Variants in ZCWPW2 observed in about 807,000 individuals in gnomAD.
ZCWPW2 encodes zinc finger CW-type PWWP domain protein 2.
A neutral mutation model predicts 46.6 loss-of-function variants in ZCWPW2; 45 were observed. That is an observed-to-expected ratio of 0.96 (90% CI 0.76 to 1.24). ZCWPW2 has a LOEUF of 1.24. ZCWPW2 is among the 50% of genes most tolerant of loss of function. The pLI, the probability that ZCWPW2 is intolerant of heterozygous loss-of-function variation, is 0.00. For missense variants in ZCWPW2, 429 were observed against 403.9 expected (o/e 1.06, Z -0.53); for synonymous variants, 152 against 137.1 (o/e 1.11, Z -0.76).
intron 4 of ZCWPW2, among the ~76,000 whole-genome samples, chr3:28,464,143 A>AT (rs1698740050): frequency 6.6e-6 from 1 of 151,530 alleles, no homozygotes; most frequent in Non-Finnish European, 1.5e-5. Context: ...ATTATTTTTT[A>AT]TTTTTTTGAA....
intron 5 of ZCWPW2, among the ~76,000 whole-genome samples, chr3:28,480,471 A>T (rs1699389213): frequency 1.3e-5 from 2 of 152,076 alleles, no homozygotes; most frequent in Non-Finnish European, 1.5e-5. Flanking sequence ...GACCTTTGTC[A>T]GATGGTGGAT....
chr3:28,513,184 T>C (rs549211149), intron 6 of ZCWPW2, among the ~76,000 whole-genome samples: 23 of 152,344 alleles, frequency 1.5e-4, no homozygotes, highest in African/African-American at 5.3e-4. Flanking sequence ...TATGGGCTTT[T>C]TCTTCTCCAA....
intron 3 of ZCWPW2, among the ~76,000 whole-genome samples, chr3:28,414,426 T>G (rs2125742618): frequency 6.6e-6 from 1 of 152,156 alleles, no homozygotes; most frequent in East Asian, 1.9e-4. Context: ...GGGTTTGTTG[T>G]GAAGATTATT....
At chr3:28,443,112 G>C (rs889437942) in intron 4 of ZCWPW2, among the ~76,000 whole-genome samples, 1 of 152,114 alleles carries the variant, frequency 6.6e-6, no homozygotes, top group African/African-American at 2.4e-5. Flanking sequence ...AGTCAGACCT[G>C]AGCTAAAACT....
chr3:28,458,823 A>T (rs1254202997), intron 4 of ZCWPW2, among the ~76,000 whole-genome samples: 1 of 152,202 alleles, frequency 6.6e-6, no homozygotes, highest in Non-Finnish European at 1.5e-5. Context: ...AAAGATGTGA[A>T]AGGTCTTTTC....
At chr3:28,474,620 T>TGTGTGCGCGCGCGC (rs777191108) in intron 4 of ZCWPW2, among the ~76,000 whole-genome samples, 1 of 121,630 alleles carries the variant, frequency 8.2e-6, no homozygotes, top group African/African-American at 2.8e-5. Context: ...TGTGTGTGTG[T>TGTGTGCGCGCGCGC]GCGCGCGCGC....
Position 28,349,185 on chromosome 3 carries a change from G to T in ZCWPW2, c.-152G>T, listed in dbSNP as rs148729606. On this transcript the variant is annotated 5_prime_UTR_variant, in exon 1 of 10. Transcript: ENST00000383768. ...GCGGGGCCGCGGGACGCCAGGAGGC[G>T]GAGGCGGAGTGGAGTTAGGTAAGAG... 5.8e-3 allele frequency: 5,763 copies of T among 985,706 alleles called. 22 individuals are homozygous for T. Among genetic ancestry groups the T allele is most frequent in the Non-Finnish European group, 6.5e-3 (5,411 of 830,166 alleles). The allele number at this position is 985,706 out of a possible 1,614,324, so 61.1% of individuals were successfully genotyped here.
In ZCWPW2 at chr3:28,474,586, CGTGTGTGTGTGTGT is replaced by C. The variant is rs71087699; in HGVS notation, c.493-4206_493-4193del. ...CCATATTTCTTGCCTTTAAATACAG[CGTGTGTGTGTGTGT>C]GTGTGTGTGTGTGTGTGTGTGCGCG... On this transcript the variant is annotated intron_variant, in intron 4 of 9. Coordinates refer to ENST00000383768, the MANE Select transcript of ZCWPW2 (RefSeq NM_001040432.4). Among the ~76,000 whole-genome samples, 38 of 136,204 alleles carry C rather than the reference CGTGTGTGTGTGTGT, an allele frequency of 2.8e-4. No individual in the cohort carries two copies. In the South Asian group the frequency reaches 5.1e-3, roughly 18 times the overall value. 89.4% of individuals were successfully genotyped at this position (136,204 alleles called of 152,430 possible). A position where few individuals can be genotyped will look rare whatever the true frequency, so the allele number is the denominator to read the frequency against.
chr3:28,450,618 T>A lies in ZCWPW2; in HGVS notation c.492+15349T>A, dbSNP rs141142444. Among the ~76,000 whole-genome samples the A allele has an allele frequency of 2.5e-3, 385 of 152,320 alleles. 1 individual carries two copies. Among genetic ancestry groups the A allele is most frequent in the African/African-American group, 8.4e-3 (349 of 41,570 alleles). On this transcript the variant is annotated intron_variant, in intron 4 of 9. Transcript: ENST00000383768. ...AGTAGATGGTTCATCTCTGATGCTA[T>A]GATGCTCCTATAGTAAAAATGTAGC...
chr3:28,373,403 A>T lies in ZCWPW2; in HGVS notation c.-133-17095A>T, dbSNP rs796599815. Among the ~76,000 whole-genome samples, 8 of 151,782 alleles carry T rather than the reference A, an allele frequency of 5.3e-5. No homozygotes were observed. In the South Asian group the frequency reaches 1.7e-3, roughly 31 times the overall value. On this transcript the variant is annotated intron_variant, in intron 1 of 9. Coordinates refer to ENST00000383768, the MANE Select transcript of ZCWPW2 (RefSeq NM_001040432.4). The stretch of plus-strand genomic sequence containing the variant: ...GGTTTTGATTTGCATTTTCCTGATG[A>T]TTAGTGATGTTGAGCCTTTTTTCAT...
At chr3:28,428,557 C>T (rs1487368553) in intron 3 of ZCWPW2, 1 of 152,182 alleles carries the variant, frequency 6.6e-6, no homozygotes, top group Admixed American at 6.5e-5. Flanking sequence ...TAATACCAGG[C>T]ATGAAATATT....
At chr3:28,446,569 AC>A (rs1038713058) in intron 4 of ZCWPW2, among the ~76,000 whole-genome samples, 8 of 152,134 alleles carry the variant, frequency 5.3e-5, no homozygotes, top group African/African-American at 1.4e-4. Flanking sequence ...TATTAAAAAA[AC>A]AATAAATATT....
At chr3:28,377,210 T>C (rs1252959507) in intron 1 of ZCWPW2, among the ~76,000 whole-genome samples, 1 of 152,108 alleles carries the variant, frequency 6.6e-6, no homozygotes, top group Non-Finnish European at 1.5e-5. Flanking sequence ...GCATTAAAGA[T>C]GCATGCTTTC....
At chr3:28,479,925 GCCACATTTTCTTTA>G (rs1158701043) in intron 5 of ZCWPW2, among the ~76,000 whole-genome samples, 1 of 152,026 alleles carries the variant, frequency 6.6e-6, no homozygotes, top group Non-Finnish European at 1.5e-5. Flanking sequence ...GTGTACAGGT[GCCACATTTTCTTTA>G]CCACATTTTC....
chr3:28,496,622 GT>G lies in ZCWPW2; in HGVS notation c.657+4452del, dbSNP rs534935723. ...AAGGTAGCTTTTATTTTTCTTTACA[GT>G]TTGGTTTTATAGATATTGAACATAA... On this transcript the variant is annotated intron_variant, in intron 6 of 9. Transcript: ENST00000383768. Among the ~76,000 whole-genome samples, 44 of 151,878 alleles carry G rather than the reference GT, an allele frequency of 2.9e-4. No individual in the cohort carries two copies. In the East Asian group the frequency reaches 8.5e-3, roughly 29 times the overall value.
At chr3:28,490,863 C>T (rs1224567816) in intron 5 of ZCWPW2, among the ~76,000 whole-genome samples, 1 of 151,876 alleles carries the variant, frequency 6.6e-6, no homozygotes. Flanking sequence ...GTAGCCGATA[C>T]CAAGTAAATG....
rs1158769550 is a variant in ZCWPW2 at position 28,526,299 on chromosome 3, A to G, written c.*1611A>G. 6.6e-6 allele frequency among the ~76,000 whole-genome samples: 1 copy of G among 152,178 alleles called. No homozygotes were observed. Among genetic ancestry groups the G allele is most frequent in the Non-Finnish European group, 1.5e-5 (1 of 68,018 alleles). On this transcript the variant is annotated 3_prime_UTR_variant, in exon 10 of 10. Coordinates refer to ENST00000383768, the MANE Select transcript of ZCWPW2 (RefSeq NM_001040432.4). The stretch of plus-strand genomic sequence containing the variant: ...TTCTTTCTGTTATATCATTTAATCT[A>G]CTACTCATCAATATCAGAGTTCTTT...
chr3:28,472,904 T>TA (rs1052526293), intron 4 of ZCWPW2, among the ~76,000 whole-genome samples: 8 of 151,010 alleles, frequency 5.3e-5, no homozygotes, highest in African/African-American at 1.9e-4. Flanking sequence ...AATAATCTAA[T>TA]AAAAAAATGG....
intron 4 of ZCWPW2, among the ~76,000 whole-genome samples, chr3:28,435,988 T>C (rs889884066): frequency 6.6e-6 from 1 of 152,172 alleles, no homozygotes; most frequent in African/African-American, 2.4e-5. Flanking sequence ...GAATATTTCA[T>C]TTATACTAAC....
Sources: allele counts gnomAD v4.1 joint callset (sites outside exome capture counted in the v4.1 genomes callset), GRCh38; gene constraint gnomAD v4.1.1; transcripts MANE v1.5; gene names NCBI Gene and HGNC (gene_info 2026-07-23, HGNC 2026-07-21).